GALNT17: variants seen among roughly 807,000 people sequenced by gnomAD.
GALNT17 encodes polypeptide N-acetylgalactosaminyltransferase 17, also known as UDP-GalNAc:polypeptide N-acetylgalactosaminyltransferase-like 3.
In GALNT17, 29 loss-of-function variants were observed where a neutral mutation model predicts 63.7. That is an observed-to-expected ratio of 0.46 (90% confidence interval 0.34 to 0.62). GALNT17 has a LOEUF of 0.62. Among genes scored for constraint, GALNT17 ranks in the 20% least tolerant of loss-of-function variants. The probability of loss-of-function intolerance (pLI) is 0.01; values close to 1 mark genes in which losing one functional copy is unlikely to be tolerated. For missense variants in GALNT17, 603 were observed against 799.6 expected (o/e 0.75, Z 2.97); for synonymous variants, 305 against 318.3 (o/e 0.96, Z 0.45).
intron 6 of GALNT17, among the ~76,000 whole-genome samples, chr7:71,595,699 A>C (rs1452758179): frequency 6.9e-6 from 1 of 145,134 alleles, no homozygotes; most frequent in Non-Finnish European, 1.5e-5. Flanking sequence ...ACACACACAC[A>C]CACACCATAT....
At chr7:71,202,136 G>A (rs1396274672) in intron 1 of GALNT17, among the ~76,000 whole-genome samples, 1 of 151,550 alleles carries the variant, frequency 6.6e-6, no homozygotes, top group African/African-American at 2.4e-5. Flanking sequence ...GTTTTTTTCT[G>A]TTTTAAATTG....
At chr7:71,556,856 G>A (rs1203708903) in intron 5 of GALNT17, among the ~76,000 whole-genome samples, 3 of 152,092 alleles carry the variant, frequency 2.0e-5, no homozygotes, top group Non-Finnish European at 2.9e-5. Flanking sequence ...ATAAGCCACT[G>A]CGCCTGGCCC....
intron 1 of GALNT17, among the ~76,000 whole-genome samples, chr7:71,207,938 CTTTTTTTTT>C (rs889337950): frequency 1.1e-3 from 162 of 145,094 alleles, no homozygotes; most frequent in African/African-American, 4.0e-3. Context: ...TTTCTTTTTT[CTTTTTTTTT>C]TTTTTGAGAC....
chr7:71,538,922 A>G (rs1788843529), intron 5 of GALNT17, among the ~76,000 whole-genome samples: 1 of 151,588 alleles, frequency 6.6e-6, no homozygotes, highest in African/African-American at 2.4e-5. Flanking sequence ...GAGACTCAGG[A>G]TACTCAATGT....
At chr7:71,162,492 A>T (rs913867177) in intron 1 of GALNT17, among the ~76,000 whole-genome samples, 12 of 152,056 alleles carry the variant, frequency 7.9e-5, no homozygotes, top group African/African-American at 2.7e-4. Flanking sequence ...AAAAATGAGA[A>T]TGTGAGCTCC....
At chr7:71,404,268 C>T (rs891751585) in intron 3 of GALNT17, among the ~76,000 whole-genome samples, 1 of 152,224 alleles carries the variant, frequency 6.6e-6, no homozygotes, top group African/African-American at 2.4e-5. Flanking sequence ...CATGAATGCA[C>T]AACTCAGTGT....
In GALNT17 at chr7:71,447,259, G is replaced by T. The variant is rs997560191; in HGVS notation, c.962+26154G>T. Among the ~76,000 whole-genome samples the T allele has an allele frequency of 4.6e-5, 7 of 152,160 alleles. No individual in the cohort carries two copies. In the East Asian group the frequency reaches 1.3e-3, roughly 29 times the overall value. The stretch of plus-strand genomic sequence containing the variant: ...TGTCCAACATGGCTACAAATTTGGG[G>T]TTTCCCACCACCTCCCTTCAGGTTT... On this transcript the variant is annotated intron_variant, in intron 5 of 10. Transcript: ENST00000333538.
intron 6 of GALNT17, among the ~76,000 whole-genome samples, chr7:71,606,781 G>T (rs1236200237): frequency 6.6e-6 from 1 of 152,192 alleles, no homozygotes; most frequent in Non-Finnish European, 1.5e-5. Context: ...ACATACACAT[G>T]TGGGAATCCC....
intron 1 of GALNT17, among the ~76,000 whole-genome samples, chr7:71,322,272 G>A (rs1791630541): frequency 6.6e-6 from 1 of 152,042 alleles, no homozygotes; most frequent in Non-Finnish European, 1.5e-5. Flanking sequence ...CTTATCTGCT[G>A]ACTGTGGATA....
At chr7:71,450,844 A>G (rs114244306) in intron 5 of GALNT17, among the ~76,000 whole-genome samples, 2,849 of 152,184 alleles carry the variant, frequency 0.019, 39 homozygotes, top group African/African-American at 0.029. Flanking sequence ...AGAGCATTAT[A>G]TAAGCTTGGA....
intron 2 of GALNT17, 39 bp downstream of exon 2, chr7:71,335,772 C>T (rs780058593): frequency 8.4e-6 from 13 of 1,542,500 alleles, no homozygotes; most frequent in South Asian, 1.2e-5. Flanking sequence ...CTTGATGGGT[C>T]GTCAGAGTGG....
intron 3 of GALNT17, among the ~76,000 whole-genome samples, chr7:71,407,482 T>A (rs1793349607): frequency 6.6e-6 from 1 of 152,178 alleles, no homozygotes; most frequent in African/African-American, 2.4e-5. Context: ...GCATGGTGGC[T>A]CATTCGTGTA....
chr7:71,364,666 G>A (rs1792468730), intron 2 of GALNT17, among the ~76,000 whole-genome samples: 1 of 152,134 alleles, frequency 6.6e-6, no homozygotes, highest in Admixed American at 6.5e-5. Flanking sequence ...CTGTCTTAGG[G>A]AGAAAAGAGG....
rs1214528699 is a variant in GALNT17, at chr7:71,244,728, C to A, written c.239-90822C>A. Among the ~76,000 whole-genome samples, 4 of 152,232 alleles carry A rather than the reference C, an allele frequency of 2.6e-5. No individual in the cohort carries two copies. In the South Asian group the frequency reaches 8.3e-4, roughly 32 times the overall value. ...GCTTGCAACACTGAGGTGGAAGGAT[C>A]ATTTAAGGCCAGGAACTGGAGACCA... is the stretch of plus-strand genomic sequence containing the variant. On this transcript the variant is annotated intron_variant, in intron 1 of 10. Transcript: ENST00000333538.
chr7:71,163,348 TG>T (rs1788382420), intron 1 of GALNT17, among the ~76,000 whole-genome samples: 1 of 152,114 alleles, frequency 6.6e-6, no homozygotes. Context: ...TTGGTTTACA[TG>T]GGGGAAGAGT....
At chr7:71,428,369 T>G (rs1202665773) in intron 5 of GALNT17, among the ~76,000 whole-genome samples, 1 of 152,130 alleles carries the variant, frequency 6.6e-6, no homozygotes, top group Non-Finnish European at 1.5e-5. Context: ...GTTTCTGGCT[T>G]CTTTTATTAG....
At chr7:71,637,374 A>C (rs151184959) in intron 6 of GALNT17, among the ~76,000 whole-genome samples, 1 of 152,018 alleles carries the variant, frequency 6.6e-6, no homozygotes, top group African/African-American at 2.4e-5. Flanking sequence ...TAGTAGAGAC[A>C]GGATTTCACC....
chr7:71,708,082 C>T (rs1472119848), intron 9 of GALNT17, among the ~76,000 whole-genome samples: 1 of 152,196 alleles, frequency 6.6e-6, no homozygotes, highest in Non-Finnish European at 1.5e-5. Context: ...TATTTTTGCT[C>T]TGCTCTTTCA....
intron 1 of GALNT17, among the ~76,000 whole-genome samples, chr7:71,322,223 G>A (rs763208552): frequency 5.3e-5 from 8 of 151,924 alleles, no homozygotes; most frequent in Non-Finnish European, 7.4e-5. Context: ...CAAAGTGCTG[G>A]GATTACAGGT....
Sources: allele counts gnomAD v4.1 joint callset (sites outside exome capture counted in the v4.1 genomes callset), GRCh38; gene constraint gnomAD v4.1.1; transcripts MANE v1.5; gene names NCBI Gene and HGNC (gene_info 2026-07-23, HGNC 2026-07-21).